The following PAN3 variants were observed in gnomAD, a reference collection of about 807,000 sequenced individuals.
PAN3 encodes PAN2-PAN3 deadenylation complex subunit PAN3.
PAN3 carries 19 observed loss-of-function variants against 96.2 expected under a neutral mutation model. That is an observed-to-expected ratio of 0.20 (90% CI 0.14 to 0.29). PAN3 has a LOEUF of 0.29. Ranked by LOEUF, PAN3 falls within the 10% of genes least tolerant of loss-of-function variation. The probability of loss-of-function intolerance (pLI) is 1.00; values close to 1 mark genes in which losing one functional copy is unlikely to be tolerated. For synonymous variants in PAN3, 433 were observed against 406.6 expected, an observed-to-expected ratio of 1.06 and a Z score of -0.78; for missense variants, 882 against 1,108.1, an observed-to-expected ratio of 0.80 and a Z score of 2.90.
At chr13:28,175,066 C>T (rs1874787662) in intron 2 of PAN3, among the ~76,000 whole-genome samples, 1 of 151,864 alleles carries the variant, frequency 6.6e-6, no homozygotes. Context: ...ATTTGTATTG[C>T]ACAATTTTGT....
At chr13:28,168,757 G>A (rs566500999) in intron 1 of PAN3, among the ~76,000 whole-genome samples, 3 of 152,074 alleles carry the variant, frequency 2.0e-5, no homozygotes, top group African/African-American at 2.4e-5. Flanking sequence ...GGTGGCTCAC[G>A]CCTGTAATCC....
chr13:28,184,685 C>T (rs183162866), intron 4 of PAN3, among the ~76,000 whole-genome samples: 9 of 152,198 alleles, frequency 5.9e-5, no homozygotes, highest in South Asian at 2.1e-4. Context: ...GTCTTGAAAA[C>T]ACTGGGCTAT....
chr13:28,254,223 G>A (rs1884965796), intron 6 of PAN3, among the ~76,000 whole-genome samples: 1 of 152,188 alleles, frequency 6.6e-6, no homozygotes, highest in South Asian at 2.1e-4. Flanking sequence ...CTGAGTTTGA[G>A]TCTTGATTAT....
At chr13:28,189,522 A>G (rs1210145121) in intron 4 of PAN3, among the ~76,000 whole-genome samples, 4 of 141,032 alleles carry the variant, frequency 2.8e-5, no homozygotes, top group Non-Finnish European at 6.2e-5. Context: ...GTCTCAAAAC[A>G]AAAAAACAAA....
In PAN3 at chr13:28,144,683, G is replaced by GA. The variant is rs1417367187; in HGVS notation, c.430+5597dup. ...TGCATTTGAAATGACCCTTTAAGAA[G>GA]ATAAATGATTATCAAAAGCAAACCA... On this transcript the variant is annotated intron_variant, in intron 1 of 18. Transcript: ENST00000380958. 2.0e-5 allele frequency among the ~76,000 whole-genome samples: 3 copies of GA among 148,354 alleles called. No individual in the cohort carries two copies. In the East Asian group the frequency reaches 6.0e-4, roughly 30 times the overall value.
chr13:28,275,589 A>T (rs1886989464), intron 14 of PAN3, among the ~76,000 whole-genome samples: 1 of 152,226 alleles, frequency 6.6e-6, no homozygotes. Flanking sequence ...ATTTATATGC[A>T]CTGATTTCTT....
intron 1 of PAN3, among the ~76,000 whole-genome samples, chr13:28,169,905 G>A (rs560216473): frequency 6.3e-4 from 96 of 152,024 alleles, no homozygotes; most frequent in African/African-American, 2.3e-3. Context: ...AAATTAGCTG[G>A]GCGTGGTGAC....
intron 5 of PAN3, among the ~76,000 whole-genome samples, chr13:28,219,749 T>C (rs1422044338): frequency 6.6e-6 from 1 of 152,274 alleles, no homozygotes; most frequent in Non-Finnish European, 1.5e-5. Flanking sequence ...AATGTTTCTC[T>C]AACCTTTACT....
intron 9 of PAN3, among the ~76,000 whole-genome samples, chr13:28,265,127 C>T (rs897677316): frequency 5.3e-5 from 8 of 152,212 alleles, no homozygotes; most frequent in African/African-American, 1.7e-4. Context: ...ATTTTAACTT[C>T]CTTATGGACA....
chr13:28,274,394 C>T (rs1213232556), intron 14 of PAN3, among the ~76,000 whole-genome samples: 1 of 151,572 alleles, frequency 6.6e-6, no homozygotes, highest in African/African-American at 2.4e-5. Flanking sequence ...CTTGGATATA[C>T]ATCCAAGCAG....
intron 9 of PAN3, among the ~76,000 whole-genome samples, chr13:28,264,856 C>T (rs2138638434): frequency 6.6e-6 from 1 of 152,258 alleles, no homozygotes; most frequent in East Asian, 1.9e-4. Flanking sequence ...TTTAACAAGG[C>T]TTTAGGTGAT....
At chr13:28,183,258 GTTCT>G (rs964836964) in intron 4 of PAN3, among the ~76,000 whole-genome samples, 1 of 152,090 alleles carries the variant, frequency 6.6e-6, no homozygotes, top group Non-Finnish European at 1.5e-5. Context: ...CTGTTTTTAG[GTTCT>G]TTATGTATGT....
At chr13:28,140,718 CTTCT>C (rs1310357218) in intron 1 of PAN3, among the ~76,000 whole-genome samples, 7 of 150,666 alleles carry the variant, frequency 4.6e-5, no homozygotes, top group Middle Eastern at 3.4e-3. Flanking sequence ...TCCTTTCTCT[CTTCT>C]TTCTTTTTCT....
intron 1 of PAN3, among the ~76,000 whole-genome samples, chr13:28,171,270 C>G (rs1874267283): frequency 7.6e-6 from 1 of 131,582 alleles, no homozygotes; most frequent in African/African-American, 3.8e-5. Flanking sequence ...AAACTTGCTC[C>G]TGTTTTCTAC....
chr13:28,259,286 C>G (rs547774196), intron 7 of PAN3, among the ~76,000 whole-genome samples: 1 of 151,628 alleles, frequency 6.6e-6, no homozygotes, highest in Admixed American at 6.6e-5. Context: ...TGCCACCAAG[C>G]CTGGCTAATT....
intron 17 of PAN3, among the ~76,000 whole-genome samples, chr13:28,287,234 T>G (rs1593641384): frequency 6.6e-6 from 1 of 152,226 alleles, no homozygotes. Flanking sequence ...ACACATAATT[T>G]TACATAAATT....
At chr13:28,292,323 G>A (rs909532065) in intron 18 of PAN3, 59 bp from the exon 19 acceptor site, 7 of 1,460,492 alleles carry the variant, frequency 4.8e-6, no homozygotes, top group South Asian at 2.9e-5. Flanking sequence ...TGCTGCAAAC[G>A]TAGATAAATT....
At chr13:28,156,868 A>G (rs1872235743) in intron 1 of PAN3, among the ~76,000 whole-genome samples, 1 of 151,864 alleles carries the variant, frequency 6.6e-6, no homozygotes. Flanking sequence ...GGTGGCACAC[A>G]CCTGTAGTTC....
At chr13:28,190,118 A>G (rs1246454087) in intron 4 of PAN3, among the ~76,000 whole-genome samples, 2 of 151,908 alleles carry the variant, frequency 1.3e-5, no homozygotes, top group Non-Finnish European at 2.9e-5. Flanking sequence ...TAATTTTTGT[A>G]TTTTTTGGTA....
Sources: allele counts gnomAD v4.1 joint callset (sites outside exome capture counted in the v4.1 genomes callset), GRCh38; gene constraint gnomAD v4.1.1; transcripts MANE v1.5; gene names NCBI Gene and HGNC (gene_info 2026-07-23, HGNC 2026-07-21).